APOB: variants seen among roughly 807,000 people sequenced by gnomAD.
The protein encoded by APOB is apolipoprotein B-100.
APOB carries 153 observed loss-of-function variants against 314.1 expected under a neutral mutation model. That is an observed-to-expected ratio of 0.49 (90% CI 0.43 to 0.56). The LOEUF (loss-of-function observed/expected upper bound fraction) is 0.56, where lower values mean the gene tolerates loss of function less well. APOB is among the 20% of genes least tolerant of loss of function. The pLI is 0.00. For synonymous variants in APOB, 2,087 were observed against 2,036.4 expected, an observed-to-expected ratio of 1.02 and a Z score of -0.67; for missense variants, 5,430 against 5,350.7, an observed-to-expected ratio of 1.01 and a Z score of -0.46.
At chr2:21,041,418 A>C (rs994831583) in intron 3 of APOB, among the ~76,000 whole-genome samples, 3 of 152,258 alleles carry the variant, frequency 2.0e-5, no homozygotes, top group African/African-American at 7.2e-5. Context: ...GCTGCAGACT[A>C]GGAGTGAAAG....
At chr2:21,040,465 A>G (rs1664102452) in intron 4 of APOB, among the ~76,000 whole-genome samples, 2 of 152,210 alleles carry the variant, frequency 1.3e-5, no homozygotes, top group South Asian at 4.1e-4. Context: ...GCAGAGATGC[A>G]GCTGCAGTGG....
chr2:21,042,681 TG>T (rs1664160530), intron 2 of APOB, among the ~76,000 whole-genome samples: 1 of 152,160 alleles, frequency 6.6e-6, no homozygotes, highest in African/African-American at 2.4e-5. Flanking sequence ...TTAAATTGGC[TG>T]GCATGTCTTG....
intron 10 of APOB, among the ~76,000 whole-genome samples, chr2:21,031,019 A>G (rs1305632286): frequency 3.3e-5 from 5 of 152,244 alleles, no homozygotes; most frequent in African/African-American, 1.2e-4. Context: ...GTAAATAAGT[A>G]CAACCACTAT....
intron 4 of APOB, among the ~76,000 whole-genome samples, chr2:21,039,473 G>T (rs555524083): frequency 9.2e-5 from 14 of 152,278 alleles, no homozygotes; most frequent in Middle Eastern, 3.4e-3. Context: ...GGACCTGGCT[G>T]CAGCCACTCT....
Position 21,035,606 on chromosome 2 carries a change from G to A in APOB, c.796C>T (p.Leu266Phe). The A allele has an allele frequency of 6.2e-7, 1 of 1,614,132 alleles. No homozygotes were observed. The highest frequency in any genetic ancestry group is 1.1e-5 in the South Asian group (1 of 91,082). ...VAEAICKEQH[L>F]FLPFSYKNKY... ...TACTTGTAGGAGAAAGGCAGGAAGA[G>A]GTGTTGCTCCTTGCAGATGGCTTCT... The change falls in exon 7 of 29, where the codon CTC (leucine) becomes TTC (phenylalanine). Residue 266 changes from leucine to phenylalanine, a missense_variant. Coordinates refer to ENST00000233242, the MANE Select transcript of APOB (RefSeq NM_000384.3).
rs763668912 is a variant in APOB at position 21,002,445 on chromosome 2, A to G, written c.12977T>C (p.Ile4326Thr). 5 of 1,601,720 alleles carry G rather than the reference A, an allele frequency of 3.1e-6. No individual in the cohort carries two copies. The highest frequency in any genetic ancestry group is 4.3e-6 in the Non-Finnish European group (5 of 1,171,828). ...QLKEMKFTYL[I>T]NYIQDEINTI... Reference sequence around the variant, plus strand: ...GTTGATCTCATCTTGGATATAATTAATAAGATAAGTAAATTTCATCTCTTT... The same window carrying G: ...GTTGATCTCATCTTGGATATAATTAGTAAGATAAGTAAATTTCATCTCTTT... The change falls in exon 29 of 29, where the codon ATT becomes ACT. Residue 4326 changes from isoleucine to threonine, a missense_variant. By Grantham distance (89) the Ile-to-Thr change is moderately conservative. Around this residue, in one of 3 missense-constraint regions of APOB, gnomAD observed 3,281 missense variants for 3,171.0 expected, o/e 1.03. Transcript: ENST00000233242.
At chr2:21,025,700 G>A (rs555177162) in intron 15 of APOB, among the ~76,000 whole-genome samples, 20 of 152,294 alleles carry the variant, frequency 1.3e-4, no homozygotes, top group African/African-American at 4.3e-4. Context: ...GATGGAGCTC[G>A]TGCTCAACAG....
Position 21,002,068 on chromosome 2 carries a change from G to C in APOB, c.13354C>G (p.Leu4452Val). Reference protein sequence around the residue: ...QFLHRNIQEYLSILTDPDGKG... With the variant: ...QFLHRNIQEYVSILTDPDGKG... ...CCATCTGGATCGGTAAGGATGCTAA[G>C]ATATTCCTGAATATTTCTGTGCAGA... Residue 4452 changes from leucine (L) to valine (V), a missense_variant, in exon 29 of 29, where the codon CTT becomes GTT. Coordinates refer to ENST00000233242, the MANE Select transcript of APOB (RefSeq NM_000384.3). The C allele has an allele frequency of 6.2e-7, 1 of 1,613,954 alleles. No homozygotes were observed. The highest frequency in any genetic ancestry group is 1.1e-5 in the South Asian group (1 of 91,070).
In APOB at chr2:21,003,190, T is replaced by A. The variant is rs1572775761; in HGVS notation, c.12232A>T (p.Thr4078Ser). 3 of 1,614,044 alleles carry A rather than the reference T, an allele frequency of 1.9e-6. No individual in the cohort carries two copies. Among genetic ancestry groups the A allele is most frequent in the Non-Finnish European group, 2.5e-6 (3 of 1,179,964 alleles). Residue 4078 changes from threonine to serine, a missense_variant, in exon 29 of 29, where the codon ACA becomes TCA. Coordinates refer to ENST00000233242, the MANE Select transcript of APOB (RefSeq NM_000384.3). ...TTGACATAATCATAAAGGACCCCTG[T>A]GGCCTTGGGCACGTTGTCTTTCAGA... Reference protein sequence around the residue: ...TSLKDNVPKATGVLYDYVNKY... With the variant: ...TSLKDNVPKASGVLYDYVNKY...
At position 21,002,212 on chromosome 2, in the gene APOB, C is replaced by T; in HGVS notation, c.13210G>A (p.Glu4404Lys). 2 of 1,613,974 alleles carry T rather than the reference C, an allele frequency of 1.2e-6. No homozygotes were observed. Among genetic ancestry groups the T allele is most frequent in the Non-Finnish European group, 1.7e-6 (2 of 1,179,956 alleles). Reference sequence around the variant, plus strand: ...TTGATCAGACTGACTATCTTTTCTTCAAGTTCATAATATTTCACTGTCCAG... The same window carrying T: ...TTGATCAGACTGACTATCTTTTCTTTAAGTTCATAATATTTCACTGTCCAG... ...VGWTVKYYEL[E>K]EKIVSLIKNL... The change falls in exon 29 of 29, where the codon GAA becomes AAA. Residue 4404 changes from glutamate to lysine, a missense_variant. Transcript: ENST00000233242.
Position 21,005,839 on chromosome 2 carries a change from GGAT to G in APOB, c.11026_11028del (p.Ile3676del), listed in dbSNP as rs781592740. 1.2e-6 allele frequency: 2 copies of G among 1,614,018 alleles called. No homozygotes were observed. The highest frequency in any genetic ancestry group is 1.7e-5 in the Admixed American group (1 of 60,004). ...CATAAGCTCTTGTCATAGACTGGTA[GGAT>G]GATATTTTTGAGGAACCTTAGGTGT... On this transcript the variant is annotated inframe_deletion, in exon 26 of 29. Coordinates refer to ENST00000233242, the MANE Select transcript of APOB (RefSeq NM_000384.3).
intron 19 of APOB, 44 bp from the exon 20 acceptor site, chr2:21,019,157 C>T: frequency 6.2e-7 from 1 of 1,613,148 alleles, no homozygotes; most frequent in Non-Finnish European, 8.5e-7. Flanking sequence ...TTAGAGCTTT[C>T]AAGGATGGTG....
At position 21,032,423 on chromosome 2, in the gene APOB, T is replaced by C; in HGVS notation, c.1283A>G (p.Glu428Gly). 6.2e-7 allele frequency: 1 copy of C among 1,614,108 alleles called. No individual in the cohort carries two copies. Among genetic ancestry groups the C allele is most frequent in the Non-Finnish European group, 8.5e-7 (1 of 1,180,044 alleles). ...IPEPSAQQLR[E>G]IFNMARDQRS... is the part of the protein sequence containing the mutation. ...CTGATCCCTCGCCATGTTGAAGATC[T>C]CTCGCAGCTGCTGTGCTGAGGGCTC... is the stretch of plus-strand genomic sequence containing the variant. Residue 428 changes from glutamate to glycine, a missense_variant, in exon 10 of 29, where the codon GAG becomes GGG. Glu to Gly is a moderately conservative substitution (Grantham distance 98). Transcript: ENST00000233242.
Position 21,022,796 on chromosome 2 carries a change from C to A in APOB, c.2816+35G>T, listed in dbSNP as rs1451681602. The stretch of plus-strand genomic sequence containing the variant: ...CAGGTACATTCTCTGTTCTCTCTTT[C>A]AAACTGGCTAGGCAGACTTGGCTGA... On this transcript the variant is annotated intron_variant, in intron 18 of 28. Transcript: ENST00000233242. 5 of 1,606,772 alleles carry A rather than the reference C, an allele frequency of 3.1e-6. No homozygotes were observed. The Admixed American group carries it at 8.3e-5, about 27-fold the overall frequency.
Position 21,015,205 on chromosome 2 carries a change from T to A in APOB, c.3564A>T (p.Lys1188Asn). ...GATCCACAGGGAAATTGGAAGTCAT[T>A]TTTTTGGTATCTACATTGGTGCCTG... ...WNTGTNVDTK[K>N]MTSNFPVDLS... The change falls in exon 23 of 29, where the codon AAA becomes AAT. Residue 1188 changes from lysine (K) to asparagine (N), a missense_variant. Transcript: ENST00000233242. 6.2e-7 allele frequency: 1 copy of A among 1,614,188 alleles called. No homozygotes were observed. Among genetic ancestry groups the A allele is most frequent in the Non-Finnish European group, 8.5e-7 (1 of 1,180,024 alleles).
chr2:21,003,286 G>A lies in APOB; in HGVS notation c.12136C>T (p.Arg4046Trp), dbSNP rs200222843. The A allele has an allele frequency of 8.2e-5, 133 of 1,613,584 alleles. No individual in the cohort carries two copies. The highest frequency in any genetic ancestry group is 1.0e-4 in the Non-Finnish European group (122 of 1,179,868). ...ATCTGAGTTTCCTCATCAGATTCCC[G>A]GACCCTCAACTCAGTTTTGAATATG... is the stretch of plus-strand genomic sequence containing the variant. The part of the protein sequence containing the change: ...LTIFKTELRV[R>W]ESDEETQIKV... The change falls in exon 29 of 29, where the codon CGG becomes TGG. Residue 4046 changes from arginine (R) to tryptophan (W), a missense_variant. This residue lies in a region of APOB where 3,281 missense variants were observed against 3,171.0 expected (regional missense o/e 1.03). Coordinates refer to ENST00000233242, the MANE Select transcript of APOB (RefSeq NM_000384.3).
At chr2:21,015,684 T>C (rs963230110) in intron 21 of APOB, 139 bp from the exon 22 acceptor site, 3 of 913,566 alleles carry the variant, frequency 3.3e-6, no homozygotes, top group South Asian at 1.4e-5. Flanking sequence ...ATCAAACTCA[T>C]CAACTTCTAA....
In APOB at chr2:21,005,956, G is replaced by T. The variant is rs61744151; in HGVS notation, c.10912C>A (p.Arg3638=). 2.8e-5 allele frequency: 45 copies of T among 1,613,720 alleles called. No individual in the cohort carries two copies. Among genetic ancestry groups the T allele is most frequent in the Non-Finnish European group, 3.6e-5 (42 of 1,179,942 alleles). The part of the protein sequence containing the change: ...NQKIRWKNEV[R]IHSGSFQSQV... Reference sequence around the variant, plus strand: ...CTCTGGAAAGACCCAGAATGAATCCGGACTTCATTTTTCCATCTGATCTTC... The same window carrying T: ...CTCTGGAAAGACCCAGAATGAATCCTGACTTCATTTTTCCATCTGATCTTC... Residue 3638 remains arginine, a synonymous_variant, in exon 26 of 29, where the codon CGG becomes AGG. Transcript: ENST00000233242.
At chr2:21,016,766 T>C (rs929641550) in intron 20 of APOB, 117 bp from the exon 21 acceptor site, 233 of 728,586 alleles carry the variant, frequency 3.2e-4, no homozygotes, top group African/African-American at 1.0e-3. Context: ...GGGCAGATCA[T>C]GAGGTCAGGA....
Sources: allele counts gnomAD v4.1 joint callset (sites outside exome capture counted in the v4.1 genomes callset), GRCh38; gene constraint gnomAD v4.1.1; regional missense constraint gnomAD v4.1.1; transcripts MANE v1.5; gene names NCBI Gene and HGNC (gene_info 2026-07-23, HGNC 2026-07-21).